Variants in DNAH2 observed in about 807,000 individuals in gnomAD.
The protein encoded by DNAH2 is dynein axonemal heavy chain 2.
Under a neutral mutation model 523.5 loss-of-function variants are expected in DNAH2, and 323 were observed. The observed-to-expected ratio is 0.62, with a 90% CI of 0.56 to 0.68. The LOEUF (loss-of-function observed/expected upper bound fraction) is 0.68, where lower values mean the gene tolerates loss of function less well. Ranked by LOEUF, DNAH2 falls within the 30% of genes least tolerant of loss-of-function variation. The pLI is 0.00. For missense variants in DNAH2, 4,907 were observed against 5,701.5 expected (o/e 0.86, Z 4.49); for synonymous variants, 2,093 against 2,177.4 (o/e 0.96, Z 1.08).
rs2151288286 is a variant in DNAH2 at position 7,798,622 on chromosome 17, C to T, written c.8463C>T (p.Asp2821=). Residue 2821 remains aspartate (D), a synonymous_variant, in exon 55 of 86, where the codon GAC becomes GAT. Coordinates refer to ENST00000572933, the MANE Select transcript of DNAH2 (RefSeq NM_020877.5). The surrounding 1 kb of genome is among the most constrained non-coding windows in gnomAD (Gnocchi z 5.5). ...ELKTTSFIFV[D]TQIADESFLE... Reference sequence around the variant, plus strand: ...AGACCACGTCCTTCATTTTTGTGGACACCCAAATAGCTGATGAGTCCTTCC... The same window carrying T: ...AGACCACGTCCTTCATTTTTGTGGATACCCAAATAGCTGATGAGTCCTTCC... 3.7e-6 allele frequency: 6 copies of T among 1,614,158 alleles called. No individual in the cohort carries two copies. Among genetic ancestry groups the T allele is most frequent in the South Asian group, 1.1e-5 (1 of 91,080 alleles).
intron 39 of DNAH2, 138 bp from the exon 40 acceptor site, chr17:7,785,986 A>C: frequency 1.2e-6 from 1 of 830,214 alleles, no homozygotes; most frequent in Non-Finnish European, 1.9e-6. Flanking sequence ...CCAATGAGTG[A>C]ACAGAGCCGG....
rs960241359 is a variant in DNAH2, at chr17:7,816,560, A to C, written c.9730-11A>C. On this transcript the variant is annotated splice_polypyrimidine_tract_variant and intron_variant, in intron 63 of 85. Coordinates refer to ENST00000572933, the MANE Select transcript of DNAH2 (RefSeq NM_020877.5). Reference sequence around the variant, plus strand: ...CCTGTGTTTGATGCGCTATACTCGAATCTCTCCCAGGTAGCTGAGAAACTG... The same window carrying C: ...CCTGTGTTTGATGCGCTATACTCGACTCTCTCCCAGGTAGCTGAGAAACTG... The C allele has an allele frequency of 6.2e-7, 1 of 1,614,152 alleles. No homozygotes were observed. Among genetic ancestry groups the C allele is most frequent in the Non-Finnish European group, 8.5e-7 (1 of 1,179,996 alleles).
chr17:7,761,439 C>CT (rs2076001687), intron 18 of DNAH2, among the ~76,000 whole-genome samples: 1 of 151,128 alleles, frequency 6.6e-6, no homozygotes, highest in East Asian at 1.9e-4. Context: ...GAATAATTTT[C>CT]TTTTTTTTAA....
rs150542628 is a variant in DNAH2 at position 7,735,502 on chromosome 17, G to A, written c.978+794G>A. Among the ~76,000 whole-genome samples the A allele has an allele frequency of 1.1e-3, 174 of 151,966 alleles. 4 individuals are homozygous for A. Among genetic ancestry groups the A allele is most frequent in the Middle Eastern group, 3.4e-3 (1 of 290 alleles). ...GCTGGAGGCTGAAGTGCAGTGGCACGATCTCGGCTCACTGCAACCTCTACC... is the reference window on the plus strand; with the variant it reads ...GCTGGAGGCTGAAGTGCAGTGGCACAATCTCGGCTCACTGCAACCTCTACC... On this transcript the variant is annotated intron_variant, in intron 7 of 85. Coordinates refer to ENST00000572933, the MANE Select transcript of DNAH2 (RefSeq NM_020877.5).
chr17:7,797,601 T>C (rs1228226683), intron 52 of DNAH2, 71 bp downstream of exon 52: 1 of 1,613,838 alleles, frequency 6.2e-7, no homozygotes, highest in Admixed American at 1.7e-5. Context: ...AGTCAGGGCA[T>C]GGGGTCTGAA....
chr17:7,824,781 C>A, intron 77 of DNAH2, 54 bp downstream of exon 77: 1 of 1,352,296 alleles, frequency 7.4e-7, no homozygotes, highest in Non-Finnish European at 9.8e-7. Context: ...CACCTTACCT[C>A]CTGCTAGCAC....
chr17:7,788,259 C>T lies in DNAH2; in HGVS notation c.6900+15C>T. 1 of 1,559,080 alleles carries T rather than the reference C, an allele frequency of 6.4e-7. No individual in the cohort carries two copies. The highest frequency in any genetic ancestry group is 8.7e-7 in the Non-Finnish European group (1 of 1,149,950). On this transcript the variant is annotated intron_variant, in intron 44 of 85. Transcript: ENST00000572933. ...CAGAGAATGGGGTAAGGGGAGGACA[C>T]AGACCACGGGCAGGGGCAGGGGGTG...
intron 4 of DNAH2, among the ~76,000 whole-genome samples, chr17:7,728,094 G>A (rs960318470): frequency 2.0e-5 from 3 of 152,168 alleles, no homozygotes; most frequent in South Asian, 2.1e-4. Flanking sequence ...GAATTTGGCC[G>A]CTATCCCAGA....
At position 7,765,487 on chromosome 17, in the gene DNAH2, T is replaced by G; in HGVS notation, c.3433T>G (p.Phe1145Val). 1 of 1,614,198 alleles carries G rather than the reference T, an allele frequency of 6.2e-7. No individual in the cohort carries two copies. Among genetic ancestry groups the G allele is most frequent in the Non-Finnish European group, 8.5e-7 (1 of 1,180,044 alleles). The change falls in exon 21 of 86, where the codon TTC (phenylalanine) becomes GTC (valine). Residue 1145 changes from phenylalanine (F) to valine (V), a missense_variant. Transcript: ENST00000572933. The stretch of plus-strand genomic sequence containing the variant: ...AATGCTGAAGAAACACAAGGAGAAA[T>G]TCAAGACAGGCCTGATCCACTCGGC... ...KQMLKKHKEK[F>V]KTGLIHSADD...
intron 58 of DNAH2, among the ~76,000 whole-genome samples, chr17:7,802,269 A>G (rs1421766372): frequency 6.6e-6 from 1 of 152,112 alleles, no homozygotes; most frequent in Non-Finnish European, 1.5e-5. Context: ...TCTTTTTCTG[A>G]CCATAATATA....
At position 7,803,446 on chromosome 17, in the gene DNAH2, C is replaced by T. The variant is rs144327461; in HGVS notation, c.8973-810C>T. ...AGCACTTTGGGAGGCCAAGGTGGGC[C>T]GATCACTTGAGGTCAGGAGTTCAAG... On this transcript the variant is annotated intron_variant, in intron 58 of 85. Coordinates refer to ENST00000572933, the MANE Select transcript of DNAH2 (RefSeq NM_020877.5). Among the ~76,000 whole-genome samples the T allele has an allele frequency of 1.2e-3, 186 of 151,590 alleles. 2 individuals carry two copies. The highest frequency in any genetic ancestry group is 4.3e-3 in the African/African-American group (177 of 41,368).
chr17:7,757,461 C>G (rs2075877154), intron 13 of DNAH2, among the ~76,000 whole-genome samples: 1 of 152,060 alleles, frequency 6.6e-6, no homozygotes, highest in African/African-American at 2.4e-5. Context: ...CAACCAGGTC[C>G]CCTCCCACCC....
Position 7,775,059 on chromosome 17 carries a change from C to T in DNAH2, c.4719+83C>T, listed in dbSNP as rs564709541. Reference sequence around the variant, plus strand: ...GAAAAGCTTTGGAGGGGACCCTGCCCTCCCAAAAGGAGGGCCATGTTAATT... The same window carrying T: ...GAAAAGCTTTGGAGGGGACCCTGCCTTCCCAAAAGGAGGGCCATGTTAATT... On this transcript the variant is annotated intron_variant, in intron 29 of 85. Coordinates refer to ENST00000572933, the MANE Select transcript of DNAH2 (RefSeq NM_020877.5). 5.7e-6 allele frequency: 8 copies of T among 1,409,422 alleles called. No homozygotes were observed. In the South Asian group the frequency reaches 1.0e-4, roughly 18 times the overall value. The allele number at this position is 1,409,422 out of a possible 1,614,324, so 87.3% of individuals were successfully genotyped here. A position where few individuals can be genotyped will look rare whatever the true frequency, so the allele number is the denominator to read the frequency against.
At chr17:7,765,903 C>A (rs753686042) in intron 21 of DNAH2, among the ~76,000 whole-genome samples, 1 of 152,106 alleles carries the variant, frequency 6.6e-6, no homozygotes, top group South Asian at 2.1e-4. Flanking sequence ...TCAGCCTCCC[C>A]GAGTAGCTGG....
chr17:7,797,078 G>C lies in DNAH2; in HGVS notation c.7864-98G>C. 8 of 1,125,814 alleles carry C rather than the reference G, an allele frequency of 7.1e-6. No homozygotes were observed. The South Asian group carries it at 1.1e-4, about 16-fold the overall frequency. The allele number at this position is 1,125,814 out of a possible 1,614,324, so 69.7% of individuals were successfully genotyped here. A position where few individuals can be genotyped will look rare whatever the true frequency, so the allele number is the denominator to read the frequency against. On this transcript the variant is annotated intron_variant, in intron 50 of 85. Transcript: ENST00000572933. ...GATTGCACCACTGCAGTCCAGCCTT[G>C]GAGACAGAGTGAGACTCTGTCCCAA...
In DNAH2 at chr17:7,797,315, C is replaced by G. The variant is rs2077093298; in HGVS notation, c.7949+54C>G. On this transcript the variant is annotated intron_variant, in intron 51 of 85. Coordinates refer to ENST00000572933, the MANE Select transcript of DNAH2 (RefSeq NM_020877.5). ...AGGCTTCCTCAGCCTTGCTCCCACCCCTACTTTGTTCCCAGCCTGACACTG... is the reference window on the plus strand; with the variant it reads ...AGGCTTCCTCAGCCTTGCTCCCACCGCTACTTTGTTCCCAGCCTGACACTG... The G allele has an allele frequency of 5.0e-6, 8 of 1,613,462 alleles. No individual in the cohort carries two copies. The Admixed American group carries it at 1.3e-4, about 27-fold the overall frequency.
intron 18 of DNAH2, 69 bp from the exon 19 acceptor site, chr17:7,763,762 C>A: frequency 6.3e-7 from 1 of 1,580,036 alleles, no homozygotes. Flanking sequence ...AGACCTGCAG[C>A]CCGTGTGGGG....
Position 7,754,961 on chromosome 17 carries a change from A to G in DNAH2, c.1905-2130A>G. ...TGCGCTATTGGTACAAATAAGCCTGAGGCAGAAAAAAAAAAAAAAAGAATA... is the reference window on the plus strand; with the variant it reads ...TGCGCTATTGGTACAAATAAGCCTGGGGCAGAAAAAAAAAAAAAAAGAATA... On this transcript the variant is annotated intron_variant, in intron 12 of 85. Transcript: ENST00000572933. This position sits in a 1 kb window ranked among gnomAD's most constrained non-coding sequence, Gnocchi z 4.6. 2.7e-6 allele frequency: 1 copy of G among 373,712 alleles called. No homozygotes were observed. Among genetic ancestry groups the G allele is most frequent in the South Asian group, 9.2e-5 (1 of 10,914 alleles). The allele number at this position is 373,712 out of a possible 1,614,324, so 23.1% of individuals were successfully genotyped here. A position where few individuals can be genotyped will look rare whatever the true frequency, so the allele number is the denominator to read the frequency against.
chr17:7,766,640 CTTTTTTTTTT>C (rs58072098), intron 22 of DNAH2, among the ~76,000 whole-genome samples, 159 bp downstream of exon 22: 1 of 84,440 alleles, frequency 1.2e-5, no homozygotes, highest in South Asian at 4.0e-4. Flanking sequence ...AAAATTAATC[CTTTTTTTTTT>C]TTTTTTTTTT....
Sources: gnomAD v4.1 joint callset for allele counts (sites outside exome capture counted in the v4.1 genomes callset) on GRCh38, gnomAD v4.1.1 for gene constraint, Gnocchi (gnomAD v3.1) non-coding constraint, MANE v1.5 for transcripts, NCBI Gene and HGNC (gene_info 2026-07-23, HGNC 2026-07-21) for gene names.